The following RAB8B variants were observed in gnomAD, a reference collection of about 807,000 sequenced individuals.
RAB8B encodes ras-related protein Rab-8B.
A neutral mutation model predicts 32.0 loss-of-function variants in RAB8B; 11 were observed. The observed-to-expected ratio is 0.34, with a 90% CI of 0.22 to 0.57. The LOEUF (loss-of-function observed/expected upper bound fraction) is 0.57. RAB8B is among the 20% of genes least tolerant of loss of function. The pLI is 0.86. For missense variants in RAB8B, 190 were observed against 258.5 expected, an observed-to-expected ratio of 0.73 and a Z score of 1.82; for synonymous variants, 103 against 89.6, an observed-to-expected ratio of 1.15 and a Z score of -0.85.
chr15:63,260,231 T>C (rs1171408416), intron 6 of RAB8B, among the ~76,000 whole-genome samples: 1 of 152,220 alleles, frequency 6.6e-6, no homozygotes, highest in East Asian at 1.9e-4. Flanking sequence ...CAGAATAGAT[T>C]ATGGAAGTTC....
chr15:63,231,708 T>C (rs1374978508), intron 1 of RAB8B, among the ~76,000 whole-genome samples: 2 of 152,168 alleles, frequency 1.3e-5, no homozygotes, highest in Non-Finnish European at 2.9e-5. Flanking sequence ...ACTGGTTTTG[T>C]TTTGGAGCAG....
intron 1 of RAB8B, among the ~76,000 whole-genome samples, chr15:63,198,182 G>A (rs1253823044): frequency 1.3e-5 from 2 of 152,152 alleles, no homozygotes; most frequent in Admixed American, 6.5e-5. Context: ...TCCTTTGGGA[G>A]GCCGCATAAA....
In RAB8B at chr15:63,254,728, T is replaced by A. The variant is rs1005674756; in HGVS notation, c.247-779T>A. Among the ~76,000 whole-genome samples, 10 of 152,006 alleles carry A rather than the reference T, an allele frequency of 6.6e-5. No individual in the cohort carries two copies. The South Asian group carries it at 1.0e-3, about 16-fold the overall frequency. ...GAGATCGAAACCATCCTGGCTAATA[T>A]GGTGAAACCCTGTCTGTACTAAAAA... On this transcript the variant is annotated intron_variant, in intron 3 of 7. Coordinates refer to ENST00000321437, the MANE Select transcript of RAB8B (RefSeq NM_016530.3).
chr15:63,237,678 TG>T (rs2037993163), intron 1 of RAB8B, among the ~76,000 whole-genome samples: 1 of 152,196 alleles, frequency 6.6e-6, no homozygotes. Flanking sequence ...TCCCATTCTG[TG>T]TGTTGTCTCT....
intron 1 of RAB8B, among the ~76,000 whole-genome samples, chr15:63,209,901 G>GC (rs932765338): frequency 8.0e-5 from 12 of 150,722 alleles, no homozygotes; most frequent in African/African-American, 2.7e-4. Context: ...GCCTCCCCTT[G>GC]CCCCCCACTC....
At chr15:63,225,035 G>T (rs2141124142) in intron 1 of RAB8B, among the ~76,000 whole-genome samples, 1 of 152,296 alleles carries the variant, frequency 6.6e-6, no homozygotes, top group South Asian at 2.1e-4. Flanking sequence ...GTTAGGGATG[G>T]ATATTTCCTA....
chr15:63,221,264 T>C (rs962151919), intron 1 of RAB8B, among the ~76,000 whole-genome samples: 5 of 152,178 alleles, frequency 3.3e-5, no homozygotes, highest in African/African-American at 1.2e-4. Flanking sequence ...TATTTTAAGA[T>C]GGGTAATTGT....
rs995212035 is a variant in RAB8B at position 63,226,530 on chromosome 15, T to C, written c.125-18226T>C. The stretch of plus-strand genomic sequence containing the variant: ...CAGAATGCACACATTTTTTTCTGCT[T>C]TCTTCTCTCACCCTCAGAAATTCAT... On this transcript the variant is annotated intron_variant, in intron 1 of 7. Coordinates refer to ENST00000321437, the MANE Select transcript of RAB8B (RefSeq NM_016530.3). Among the ~76,000 whole-genome samples, 3 of 152,184 alleles carry C rather than the reference T, an allele frequency of 2.0e-5. No homozygotes were observed. The South Asian group carries it at 6.2e-4, about 31-fold the overall frequency.
chr15:63,236,963 A>G lies in RAB8B; in HGVS notation c.125-7793A>G, dbSNP rs138503412. On this transcript the variant is annotated intron_variant, in intron 1 of 7. Transcript: ENST00000321437. ...TATCTCCATGAATTCAATCATTTTA[A>G]TTTTTAGCTCCCACAAATAAATTAG... Among the ~76,000 whole-genome samples, 89 of 152,218 alleles carry G rather than the reference A, an allele frequency of 5.8e-4. 1 individual carries two copies. Among genetic ancestry groups the G allele is most frequent in the Middle Eastern group, 6.8e-3 (2 of 294 alleles).
At chr15:63,228,102 G>C (rs2037904652) in intron 1 of RAB8B, among the ~76,000 whole-genome samples, 1 of 151,902 alleles carries the variant, frequency 6.6e-6, no homozygotes, top group Admixed American at 6.6e-5. Flanking sequence ...CTGCAGCTTC[G>C]ACCTCCTAGG....
intron 1 of RAB8B, 101 bp downstream of exon 1, chr15:63,189,849 A>G: frequency 1.8e-6 from 2 of 1,117,336 alleles, no homozygotes; most frequent in Middle Eastern, 3.2e-4. Flanking sequence ...GGGAGAGGAG[A>G]CCCCGGGGAC....
At chr15:63,208,655 A>ACT (rs2037719461) in intron 1 of RAB8B, among the ~76,000 whole-genome samples, 1 of 152,124 alleles carries the variant, frequency 6.6e-6, no homozygotes, top group African/African-American at 2.4e-5. Context: ...GGTTCCAAGA[A>ACT]CACACCTCAT....
At chr15:63,210,589 A>G (rs957471866) in intron 1 of RAB8B, among the ~76,000 whole-genome samples, 1 of 152,152 alleles carries the variant, frequency 6.6e-6, no homozygotes, top group African/African-American at 2.4e-5. Flanking sequence ...CCTTCTGTGG[A>G]TCATTTTTCA....
chr15:63,201,430 C>A (rs943302902), intron 1 of RAB8B, among the ~76,000 whole-genome samples: 1 of 152,134 alleles, frequency 6.6e-6, no homozygotes. Context: ...GATAGCATAG[C>A]CCTTGAAGGA....
chr15:63,224,789 T>C (rs1457224974), intron 1 of RAB8B, among the ~76,000 whole-genome samples: 1 of 152,162 alleles, frequency 6.6e-6, no homozygotes, highest in Non-Finnish European at 1.5e-5. Flanking sequence ...TAGAAACAGA[T>C]TCCTCCCAAG....
chr15:63,223,703 C>T, intron 1 of RAB8B: 1 of 255,164 alleles, frequency 3.9e-6, no homozygotes, highest in Non-Finnish European at 8.2e-6. Flanking sequence ...TGTACTTGTA[C>T]TGGTTGTTAA....
intron 1 of RAB8B, among the ~76,000 whole-genome samples, chr15:63,200,112 A>C (rs2037635340): frequency 6.6e-6 from 1 of 152,214 alleles, no homozygotes; most frequent in African/African-American, 2.4e-5. Flanking sequence ...GATGGTCTTC[A>C]GGTCTCTTCT....
chr15:63,232,014 G>A (rs189539118), intron 1 of RAB8B, among the ~76,000 whole-genome samples: 89 of 152,282 alleles, frequency 5.8e-4, no homozygotes, highest in Middle Eastern at 3.4e-3. Context: ...TAAATGGTGA[G>A]CTGAATGCTG....
At chr15:63,200,798 T>C (rs1389112402) in intron 1 of RAB8B, among the ~76,000 whole-genome samples, 1 of 152,230 alleles carries the variant, frequency 6.6e-6, no homozygotes, top group Non-Finnish European at 1.5e-5. Context: ...AGCCTGACAT[T>C]GAGCATTTGT....
Sources: allele counts gnomAD v4.1 joint callset (sites outside exome capture counted in the v4.1 genomes callset), GRCh38; gene constraint gnomAD v4.1.1; transcripts MANE v1.5; gene names NCBI Gene and HGNC (gene_info 2026-07-23, HGNC 2026-07-21).